Variants in RERE observed in about 807,000 individuals in gnomAD.
RERE encodes the protein arginine-glutamic acid dipeptide repeats.
In RERE, 40 loss-of-function variants were observed where a neutral mutation model predicts 146.1. The observed-to-expected ratio is 0.27, with a 90% CI of 0.21 to 0.36. RERE has a LOEUF of 0.36. RERE is among the 10% of genes least tolerant of loss of function. RERE has a pLI of 1.00. For missense variants in RERE, 1,933 were observed against 2,138.7 expected, an observed-to-expected ratio of 0.90 and a Z score of 1.90; for synonymous variants, 1,003 against 866.0, an observed-to-expected ratio of 1.16 and a Z score of -2.78.
rs76873565 is a variant in RERE at position 8,464,550 on chromosome 1, A to C, written c.1203+1375T>G. Among the ~76,000 whole-genome samples, 1,162 of 152,272 alleles carry C rather than the reference A, an allele frequency of 7.6e-3. 14 individuals carry two copies. Among genetic ancestry groups the C allele is most frequent in the African/African-American group, 0.027 (1,126 of 41,530 alleles). Reference sequence around the variant, plus strand: ...GGGCACATCACCATGCCCTGACAGCAGGCCAACAGGTCACACCTGATCTGC... The same window carrying C: ...GGGCACATCACCATGCCCTGACAGCCGGCCAACAGGTCACACCTGATCTGC... On this transcript the variant is annotated intron_variant, in intron 11 of 22. Transcript: ENST00000400908.
intron 12 of RERE, among the ~76,000 whole-genome samples, chr1:8,366,929 C>A (rs74049617): frequency 0.24 from 19,691 of 83,762 alleles, 1,975 homozygotes; most frequent in South Asian, 0.38. Flanking sequence ...AAAAAAAAAA[C>A]AAAAAAAAAA....
intron 12 of RERE, among the ~76,000 whole-genome samples, chr1:8,407,725 G>A (rs1472194111): frequency 6.6e-6 from 1 of 152,176 alleles, no homozygotes; most frequent in Non-Finnish European, 1.5e-5. Context: ...TCTATAAAAT[G>A]TTCTTAATGG....
chr1:8,809,637 A>C (rs1018574577), intron 1 of RERE, among the ~76,000 whole-genome samples: 28 of 152,132 alleles, frequency 1.8e-4, no homozygotes, highest in Admixed American at 5.2e-4. Context: ...GTTAACTGGC[A>C]TTTTTTTCAT....
chr1:8,719,989 G>A (rs1185085173), intron 1 of RERE, among the ~76,000 whole-genome samples: 1 of 151,978 alleles, frequency 6.6e-6, no homozygotes, highest in Non-Finnish European at 1.5e-5. Flanking sequence ...CTCATTAATG[G>A]AACTTACAAG....
intron 12 of RERE, among the ~76,000 whole-genome samples, chr1:8,373,690 C>T (rs1287086219): frequency 1.3e-5 from 2 of 152,168 alleles, no homozygotes; most frequent in Non-Finnish European, 2.9e-5. Context: ...ACGCTGCTGC[C>T]GAGTGCAGTC....
chr1:8,387,849 T>C (rs1642735128), intron 12 of RERE, among the ~76,000 whole-genome samples: 1 of 152,222 alleles, frequency 6.6e-6, no homozygotes, highest in Non-Finnish European at 1.5e-5. Context: ...AACAACAATC[T>C]GCTTTTCTTG....
rs1343300277 is a variant in RERE, at chr1:8,495,141, T to G, written c.1026A>C (p.Gly342=). ...CCTCTGTAGAGCCTCCATCACACAT[T>G]CCTGCAAATGCCGCCATGCTCCTTC... ...RAARSMAAFA[G]MCDGGSTEDG... is the part of the protein sequence containing the mutation. Residue 342 remains glycine (G), a synonymous_variant, in exon 10 of 23, where the codon GGA becomes GGC. Transcript: ENST00000400908. 8 of 1,613,706 alleles carry G rather than the reference T, an allele frequency of 5.0e-6. No individual in the cohort carries two copies.
At chr1:8,811,765 T>C (rs1236741518) in intron 1 of RERE, among the ~76,000 whole-genome samples, 1 of 152,266 alleles carries the variant, frequency 6.6e-6, no homozygotes, top group Non-Finnish European at 1.5e-5. Flanking sequence ...CTGAAGATGC[T>C]GCACAGCCAT....
intron 8 of RERE, among the ~76,000 whole-genome samples, chr1:8,500,756 G>A (rs1645123778): frequency 6.6e-6 from 1 of 151,748 alleles, no homozygotes; most frequent in Non-Finnish European, 1.5e-5. Flanking sequence ...ATCCCATCTA[G>A]GAAGCGAGGA....
chr1:8,379,326 C>T (rs905365929), intron 12 of RERE, among the ~76,000 whole-genome samples: 9 of 152,094 alleles, frequency 5.9e-5, no homozygotes, highest in Admixed American at 1.3e-4. Flanking sequence ...AAGCTGCGAC[C>T]GGGGAAAGGA....
chr1:8,643,109 CTG>C (rs1347251551), intron 2 of RERE, among the ~76,000 whole-genome samples: 1 of 152,136 alleles, frequency 6.6e-6, no homozygotes, highest in Non-Finnish European at 1.5e-5. Flanking sequence ...GTGTGAGTGA[CTG>C]TGAAAGGTGG....
intron 11 of RERE, among the ~76,000 whole-genome samples, chr1:8,442,535 C>T (rs993641353): frequency 2.0e-5 from 3 of 152,126 alleles, no homozygotes; most frequent in South Asian, 2.1e-4. Context: ...ACGCCAGCAC[C>T]GTGCTTGTAC....
chr1:8,621,014 G>A (rs1162526932), intron 3 of RERE, among the ~76,000 whole-genome samples: 1 of 151,968 alleles, frequency 6.6e-6, no homozygotes, highest in Non-Finnish European at 1.5e-5. Context: ...GGAAGTGTGG[G>A]CTCGAAATAC....
intron 1 of RERE, among the ~76,000 whole-genome samples, chr1:8,753,996 C>CAT (rs1293958457): frequency 1.3e-5 from 2 of 152,162 alleles, no homozygotes; most frequent in African/African-American, 2.4e-5. Context: ...CAAAACTGAA[C>CAT]ATAATCATAT....
intron 1 of RERE, among the ~76,000 whole-genome samples, chr1:8,702,274 C>G (rs1352762886): frequency 1.3e-5 from 2 of 152,150 alleles, no homozygotes; most frequent in African/African-American, 4.8e-5. Context: ...GGCCTCCAGC[C>G]AAACAATGCC....
At chr1:8,793,601 C>T (rs528245277) in intron 1 of RERE, among the ~76,000 whole-genome samples, 1 of 152,220 alleles carries the variant, frequency 6.6e-6, no homozygotes, top group South Asian at 2.1e-4. Context: ...AATAACCAAA[C>T]CAAAAGTGAG....
intron 4 of RERE, among the ~76,000 whole-genome samples, chr1:8,582,579 G>A (rs893576460): frequency 1.3e-5 from 2 of 151,950 alleles, no homozygotes; most frequent in African/African-American, 4.8e-5. Context: ...AAAATTAGCT[G>A]GGTGTGGTGG....
At chr1:8,549,540 T>TA (rs1396096274) in intron 6 of RERE, among the ~76,000 whole-genome samples, 1 of 152,132 alleles carries the variant, frequency 6.6e-6, no homozygotes, top group Non-Finnish European at 1.5e-5. Flanking sequence ...AAAACCACCA[T>TA]AGGCAAGCTT....
At chr1:8,375,969 C>A (rs181242418) in intron 12 of RERE, among the ~76,000 whole-genome samples, 1 of 152,210 alleles carries the variant, frequency 6.6e-6, no homozygotes, top group Non-Finnish European at 1.5e-5. Flanking sequence ...TATATTTTAT[C>A]TTCACAGACT....
Sources: gnomAD v4.1 joint callset for allele counts (sites outside exome capture counted in the v4.1 genomes callset) on GRCh38, gnomAD v4.1.1 for gene constraint, MANE v1.5 for transcripts, NCBI Gene and HGNC (gene_info 2026-07-23, HGNC 2026-07-21) for gene names.